PLCL2: variants seen among roughly 807,000 people sequenced by gnomAD.
PLCL2 encodes phospholipase C like 2, also known as inactive phospholipase C-like protein 2.
In PLCL2, 4 loss-of-function variants were observed where a neutral mutation model predicts 79.6. The observed-to-expected ratio is 0.05, with a 90% confidence interval of 0.02 to 0.11. The LOEUF (loss-of-function observed/expected upper bound fraction) is 0.11, where lower values mean the gene tolerates loss of function less well. Ranked by LOEUF, PLCL2 falls within the 10% of genes least tolerant of loss-of-function variation. The pLI is 1.00. For missense variants in PLCL2, 895 were observed against 1,291.0 expected (o/e 0.69, Z 4.70); for synonymous variants, 484 against 457.7 (o/e 1.06, Z -0.73).
intron 4 of PLCL2, among the ~76,000 whole-genome samples, chr3:17,045,955 G>C (rs550120112): frequency 1.3e-4 from 20 of 152,280 alleles, no homozygotes; most frequent in Middle Eastern, 6.8e-3. Flanking sequence ...GGAAGTGAAA[G>C]CGGGGATTCA....
chr3:16,890,600 A>T (rs1298222573), intron 1 of PLCL2, among the ~76,000 whole-genome samples: 1 of 152,194 alleles, frequency 6.6e-6, no homozygotes, highest in African/African-American at 2.4e-5. Context: ...CTTAATACTA[A>T]GTTTTGGATG....
In PLCL2 at chr3:16,919,996, G is replaced by C. The variant is rs182910007; in HGVS notation, c.327+34630G>C. On this transcript the variant is annotated intron_variant, in intron 1 of 5. Coordinates refer to ENST00000615277, the MANE Select transcript of PLCL2 (RefSeq NM_001144382.2). Reference sequence around the variant, plus strand: ...GCATCTGTCTAAAACTTAATCACCAGAGTATAATCTTGTCAACCCCAATTT... The same window carrying C: ...GCATCTGTCTAAAACTTAATCACCACAGTATAATCTTGTCAACCCCAATTT... 1.7e-3 allele frequency among the ~76,000 whole-genome samples: 260 copies of C among 152,252 alleles called. 1 individual carries two copies. The highest frequency in any genetic ancestry group is 4.5e-3 in the African/African-American group (187 of 41,548).
At chr3:17,073,641 A>G (rs2065082700) in intron 5 of PLCL2, among the ~76,000 whole-genome samples, 1 of 152,230 alleles carries the variant, frequency 6.6e-6, no homozygotes, top group Non-Finnish European at 1.5e-5. Context: ...TTTGAAAATC[A>G]GTCTTCTCAA....
At chr3:16,925,049 G>T (rs563573194) in intron 1 of PLCL2, among the ~76,000 whole-genome samples, 4 of 151,344 alleles carry the variant, frequency 2.6e-5, no homozygotes, top group African/African-American at 4.9e-5. Flanking sequence ...TCAGCCTCCC[G>T]TGTAGCTGGG....
intron 3 of PLCL2, among the ~76,000 whole-genome samples, chr3:17,022,112 C>A (rs1049708726): frequency 5.9e-5 from 9 of 151,928 alleles, no homozygotes; most frequent in Admixed American, 3.3e-4. Flanking sequence ...TTTAAAGGGG[C>A]AAAGGCAGAT....
intron 1 of PLCL2, among the ~76,000 whole-genome samples, chr3:16,930,273 A>G (rs896371478): frequency 6.6e-6 from 1 of 152,140 alleles, no homozygotes; most frequent in African/African-American, 2.4e-5. Context: ...GACAGGCGAG[A>G]TTTCACGAGT....
At chr3:16,938,452 A>G (rs995469065) in intron 1 of PLCL2, among the ~76,000 whole-genome samples, 2 of 152,182 alleles carry the variant, frequency 1.3e-5, no homozygotes, top group Non-Finnish European at 2.9e-5. Context: ...ACCACGTTGT[A>G]TCTGCGGTGG....
At chr3:16,980,529 C>CA (rs532019353) in intron 1 of PLCL2, among the ~76,000 whole-genome samples, 24,613 of 149,168 alleles carry the variant, frequency 0.17, 2,543 homozygotes, top group Non-Finnish European at 0.24. Flanking sequence ...CCCCACATCT[C>CA]AGACGATGGG....
At chr3:17,002,971 T>C (rs1333400561) in intron 1 of PLCL2, among the ~76,000 whole-genome samples, 1 of 152,126 alleles carries the variant, frequency 6.6e-6, no homozygotes, top group Non-Finnish European at 1.5e-5. Context: ...TTCCCATCTT[T>C]CTGTGGAAAT....
chr3:17,023,196 TTC>T (rs779812852), intron 3 of PLCL2, among the ~76,000 whole-genome samples: 1 of 152,222 alleles, frequency 6.6e-6, no homozygotes, highest in Non-Finnish European at 1.5e-5. Flanking sequence ...CTCCTCTCTG[TTC>T]TCTCGTCAAG....
chr3:16,975,529 A>G (rs940654367), intron 1 of PLCL2, among the ~76,000 whole-genome samples: 7 of 152,186 alleles, frequency 4.6e-5, no homozygotes, highest in Non-Finnish European at 8.8e-5. Context: ...TGACTGTTCA[A>G]ACTGGCAGAA....
intron 4 of PLCL2, among the ~76,000 whole-genome samples, chr3:17,065,562 C>G (rs2065001487): frequency 6.6e-6 from 1 of 152,180 alleles, no homozygotes; most frequent in Non-Finnish European, 1.5e-5. Context: ...TACAGGTGAT[C>G]AAGTGTTCAG....
chr3:16,985,484 T>C (rs1397673837), intron 1 of PLCL2, among the ~76,000 whole-genome samples: 1 of 152,036 alleles, frequency 6.6e-6, no homozygotes, highest in East Asian at 1.9e-4. Flanking sequence ...CATCAAAGGG[T>C]AAAAGAGAGG....
At chr3:16,902,383 G>A (rs776329723) in intron 1 of PLCL2, among the ~76,000 whole-genome samples, 20 of 152,080 alleles carry the variant, frequency 1.3e-4, no homozygotes, top group Non-Finnish European at 2.2e-4. Flanking sequence ...AAACAATTGC[G>A]TGATTTCCAT....
intron 3 of PLCL2, among the ~76,000 whole-genome samples, chr3:17,027,927 G>A (rs1363581819): frequency 3.3e-5 from 5 of 152,302 alleles, no homozygotes; most frequent in East Asian, 3.9e-4. Context: ...AGCATGCTAC[G>A]TCAGTGGGAA....
chr3:16,970,555 A>C (rs2063851558), intron 1 of PLCL2, among the ~76,000 whole-genome samples: 1 of 149,638 alleles, frequency 6.7e-6, no homozygotes, highest in African/African-American at 2.5e-5. Context: ...AGCATGATTT[A>C]TAGTCCTTTG....
At chr3:17,042,686 A>G in intron 3 of PLCL2, 188 bp from the exon 4 acceptor site, 1 of 543,632 alleles carries the variant, frequency 1.8e-6, no homozygotes, top group Non-Finnish European at 3.4e-6. Context: ...TCTTGTTTTA[A>G]CCATTATGTG....
intron 1 of PLCL2, among the ~76,000 whole-genome samples, chr3:16,942,996 G>A (rs1305491539): frequency 6.6e-6 from 1 of 152,244 alleles, no homozygotes; most frequent in Non-Finnish European, 1.5e-5. Flanking sequence ...TGTCCAGCTA[G>A]ATTGAATTAA....
At position 17,076,785 on chromosome 3, in the gene PLCL2, C is replaced by T. The variant is rs2065112423; in HGVS notation, c.3204+8720C>T. Among the ~76,000 whole-genome samples the T allele has an allele frequency of 2.0e-5, 3 of 152,260 alleles. 1 individual carries two copies. In the South Asian group the frequency reaches 6.2e-4, roughly 32 times the overall value. On this transcript the variant is annotated intron_variant, in intron 5 of 5. Coordinates refer to ENST00000615277, the MANE Select transcript of PLCL2 (RefSeq NM_001144382.2). Reference sequence around the variant, plus strand: ...CCCAAGGTGTAAGAATTACCGCACTCAGCCGTTTCCTTTTTGTTTTCTTTT... The same window carrying T: ...CCCAAGGTGTAAGAATTACCGCACTTAGCCGTTTCCTTTTTGTTTTCTTTT...
Sources: allele counts gnomAD v4.1 joint callset (sites outside exome capture counted in the v4.1 genomes callset), GRCh38; gene constraint gnomAD v4.1.1; transcripts MANE v1.5; gene names NCBI Gene and HGNC (gene_info 2026-07-23, HGNC 2026-07-21).